The following BORCS5 variants were observed in gnomAD, a reference collection of about 807,000 sequenced individuals.
The protein encoded by BORCS5 is BLOC-1-related complex subunit 5.
A neutral mutation model predicts 22.1 loss-of-function variants in BORCS5; 17 were observed. That is an observed-to-expected ratio of 0.77 (90% CI 0.53 to 1.15). The LOEUF is 1.15. Among genes scored for constraint, BORCS5 ranks in the 50% most tolerant of loss-of-function variants. The probability of loss-of-function intolerance (pLI) is 0.00; values close to 1 mark genes in which losing one functional copy is unlikely to be tolerated. For missense variants in BORCS5, 247 were observed against 253.2 expected, an observed-to-expected ratio of 0.98 and a Z score of 0.17; for synonymous variants, 117 against 99.8, an observed-to-expected ratio of 1.17 and a Z score of -1.03.
At chr12:12,420,243 C>G (rs1331457036) in intron 2 of BORCS5, among the ~76,000 whole-genome samples, 1 of 151,560 alleles carries the variant, frequency 6.6e-6, no homozygotes, top group Non-Finnish European at 1.5e-5. Context: ...GGAAGGGATC[C>G]AGTTTCAGCT....
intron 2 of BORCS5, among the ~76,000 whole-genome samples, chr12:12,375,102 C>T (rs755639684): frequency 2.6e-5 from 4 of 152,170 alleles, no homozygotes; most frequent in Non-Finnish European, 4.4e-5. Context: ...ACCTCTGCCT[C>T]CTGGGTTGAA....
intron 3 of BORCS5, among the ~76,000 whole-genome samples, chr12:12,445,496 C>CTTTTTTTTTTTT (rs5796492): frequency 2.2e-5 from 1 of 45,772 alleles, no homozygotes; most frequent in Non-Finnish European, 3.8e-5. Context: ...ACATGCATTG[C>CTTTTTTTTTTTT]TTTTTTTTTT....
At chr12:12,438,399 A>T (rs962225549) in intron 3 of BORCS5, among the ~76,000 whole-genome samples, 1 of 148,402 alleles carries the variant, frequency 6.7e-6, no homozygotes, top group East Asian at 1.9e-4. Context: ...AACAACAAAA[A>T]CCTCTAATCC....
At chr12:12,427,734 G>A (rs559553904) in intron 2 of BORCS5, among the ~76,000 whole-genome samples, 13 of 152,270 alleles carry the variant, frequency 8.5e-5, no homozygotes, top group African/African-American at 3.1e-4. Context: ...CAAGGTGCCG[G>A]CAGATTTGCC....
chr12:12,424,812 A>G (rs1216366312), intron 2 of BORCS5, among the ~76,000 whole-genome samples: 2 of 152,188 alleles, frequency 1.3e-5, no homozygotes, highest in Non-Finnish European at 2.9e-5. Flanking sequence ...TTCCCTGGGC[A>G]TGCATAGCAA....
intron 2 of BORCS5, among the ~76,000 whole-genome samples, chr12:12,407,469 C>T (rs1016138239): frequency 1.3e-5 from 2 of 151,658 alleles, no homozygotes; most frequent in Non-Finnish European, 2.9e-5. Flanking sequence ...ACATACCTGA[C>T]TTTGTAATTG....
Position 12,357,288 on chromosome 12 carries a change from C to A in BORCS5, c.-164C>A. On this transcript the variant is annotated 5_prime_UTR_variant, in exon 1 of 4. Transcript: ENST00000314565. ...GCCTCTCCTTCTCCCGCCGCCCAGG[C>A]CCCTGCGTGGGCTGGACGCGTCAGC... The A allele has an allele frequency of 6.9e-7, 1 of 1,456,516 alleles. No homozygotes were observed. Among genetic ancestry groups the A allele is most frequent in the Non-Finnish European group, 9.1e-7 (1 of 1,104,634 alleles). 90.2% of individuals were successfully genotyped at this position (1,456,516 alleles called of 1,614,324 possible).
intron 2 of BORCS5, among the ~76,000 whole-genome samples, chr12:12,418,672 G>A (rs779331222): frequency 1.3e-5 from 2 of 152,146 alleles, no homozygotes; most frequent in African/African-American, 2.4e-5. Context: ...GGGTAACAGC[G>A]TGAGACTCTC....
chr12:12,430,218 T>G (rs1265697463), intron 2 of BORCS5, among the ~76,000 whole-genome samples: 1 of 143,664 alleles, frequency 7.0e-6, no homozygotes, highest in East Asian at 2.0e-4. Context: ...TGGCAAGATC[T>G]CGGCTCACTG....
intron 2 of BORCS5, among the ~76,000 whole-genome samples, chr12:12,415,546 G>T: frequency 1.8e-5 from 1 of 56,930 alleles, no homozygotes; most frequent in East Asian, 7.7e-4. Context: ...CGTGGAAGGA[G>T]ACCGTGGAGA....
intron 2 of BORCS5, among the ~76,000 whole-genome samples, chr12:12,427,586 CA>C (rs1452261586): frequency 3.9e-5 from 6 of 152,062 alleles, no homozygotes; most frequent in Admixed American, 3.3e-4. Context: ...ATACTATGAC[CA>C]ATAGACTCGA....
chr12:12,434,070 T>C (rs149847240), intron 2 of BORCS5, among the ~76,000 whole-genome samples: 2 of 151,894 alleles, frequency 1.3e-5, no homozygotes, highest in East Asian at 3.9e-4. Context: ...GGAGGATCGC[T>C]TGAGCCCAGA....
intron 2 of BORCS5, among the ~76,000 whole-genome samples, chr12:12,380,302 G>A (rs1170809436): frequency 6.6e-6 from 1 of 150,832 alleles, no homozygotes; most frequent in Non-Finnish European, 1.5e-5. Flanking sequence ...AAAAAACACA[G>A]TATCTGTGAA....
intron 2 of BORCS5, among the ~76,000 whole-genome samples, chr12:12,398,901 T>A (rs1388920659): frequency 6.6e-6 from 1 of 152,194 alleles, no homozygotes; most frequent in Non-Finnish European, 1.5e-5. Flanking sequence ...TGGTCCAGTG[T>A]ATCATAATAA....
chr12:12,449,277 C>G (rs1274172717), intron 3 of BORCS5, among the ~76,000 whole-genome samples: 1 of 152,172 alleles, frequency 6.6e-6, no homozygotes, highest in Non-Finnish European at 1.5e-5. Context: ...GGCAAAAGAT[C>G]TCAGATGTCT....
At chr12:12,397,346 G>GT (rs1308254116) in intron 2 of BORCS5, among the ~76,000 whole-genome samples, 1 of 152,214 alleles carries the variant, frequency 6.6e-6, no homozygotes, top group Non-Finnish European at 1.5e-5. Flanking sequence ...TTGTTACACA[G>GT]TTTTTTGTAC....
rs762896462 is a variant in BORCS5 at position 12,465,723 on chromosome 12, G to T, written c.538G>T (p.Gly180Cys). ...CAGGCTCAACAGCATGCTGCCCGAG[G>T]GCGAGCGGCTGGAGCCCTTCAGCAT... ...LDRLNSMLPE[G>C]ERLEPFSMKP... The change falls in exon 4 of 4, where the codon GGC becomes TGC. Residue 180 changes from glycine (G) to cysteine (C), a missense_variant. Transcript: ENST00000314565. 1 of 1,614,154 alleles carries T rather than the reference G, an allele frequency of 6.2e-7. No individual in the cohort carries two copies. Among genetic ancestry groups the T allele is most frequent in the East Asian group, 2.2e-5 (1 of 44,890 alleles).
intron 3 of BORCS5, among the ~76,000 whole-genome samples, chr12:12,440,147 C>T (rs540304094): frequency 6.6e-6 from 1 of 152,222 alleles, no homozygotes; most frequent in African/African-American, 2.4e-5. Context: ...GGAAACATGG[C>T]TATAACTATT....
chr12:12,398,575 A>G lies in BORCS5; in HGVS notation c.203-37053A>G, dbSNP rs974899076. On this transcript the variant is annotated intron_variant, in intron 2 of 3. Coordinates refer to ENST00000314565, the MANE Select transcript of BORCS5 (RefSeq NM_058169.6). ...TGTGTAACCATCTTGACTCATTTTCAGGGAAGAATGGCCCCTGTAGCTCTT... is the reference window on the plus strand; with the variant it reads ...TGTGTAACCATCTTGACTCATTTTCGGGGAAGAATGGCCCCTGTAGCTCTT... Among the ~76,000 whole-genome samples the G allele has an allele frequency of 2.0e-5, 3 of 152,188 alleles. No individual in the cohort carries two copies. In the South Asian group the frequency reaches 6.2e-4, roughly 32 times the overall value.
Sources: allele counts gnomAD v4.1 joint callset (sites outside exome capture counted in the v4.1 genomes callset), GRCh38; gene constraint gnomAD v4.1.1; transcripts MANE v1.5; gene names NCBI Gene and HGNC (gene_info 2026-07-23, HGNC 2026-07-21).